Variants in ZNF385D observed in about 807,000 individuals in gnomAD.
The protein encoded by ZNF385D is zinc finger protein 385D.
Under a neutral mutation model 35.8 loss-of-function variants are expected in ZNF385D, and 15 were observed. That is an observed-to-expected ratio of 0.42 (90% CI 0.28 to 0.64). The LOEUF (loss-of-function observed/expected upper bound fraction) is 0.64. Ranked by LOEUF, ZNF385D falls within the 30% of genes least tolerant of loss-of-function variation. ZNF385D has a pLI of 0.23. For missense variants in ZNF385D, 474 were observed against 494.6 expected, an observed-to-expected ratio of 0.96 and a Z score of 0.39; for synonymous variants, 212 against 186.8, an observed-to-expected ratio of 1.13 and a Z score of -1.10.
intron 1 of ZNF385D, among the ~76,000 whole-genome samples, chr3:21,739,263 A>G (rs1575567111): frequency 6.6e-6 from 1 of 152,324 alleles, no homozygotes; most frequent in South Asian, 2.1e-4. Flanking sequence ...ACATTTACGA[A>G]TCCGATGTTC....
Position 21,520,335 on chromosome 3 carries a change from C to T in ZNF385D, c.277-9312G>A, listed in dbSNP as rs553127655. On this transcript the variant is annotated intron_variant, in intron 3 of 7. Coordinates refer to ENST00000281523, the MANE Select transcript of ZNF385D (RefSeq NM_024697.3). Reference sequence around the variant, plus strand: ...AGGAAGACCTGATATTACTCATCATCCTGTCCCTAGGATCTATCATACATC... The same window carrying T: ...AGGAAGACCTGATATTACTCATCATTCTGTCCCTAGGATCTATCATACATC... Among the ~76,000 whole-genome samples the T allele has an allele frequency of 3.9e-5, 6 of 152,296 alleles. No homozygotes were observed. The South Asian group carries it at 1.2e-3, about 32-fold the overall frequency.
At chr3:21,752,456 G>C (rs1262239295), upstream of ZNF385D, among the ~76,000 whole-genome samples, 1 of 152,058 alleles carries the variant, frequency 6.6e-6, no homozygotes, top group Non-Finnish European at 1.5e-5. Context: ...TTCCTTACGC[G>C]ATTCTATATC....
intron 3 of ZNF385D, among the ~76,000 whole-genome samples, chr3:21,542,358 T>TG (rs56387745): frequency 6.6e-6 from 1 of 150,838 alleles, no homozygotes; most frequent in Admixed American, 6.6e-5. Flanking sequence ...TTTTTTTTTT[T>TG]CCCAGAGATG....
At chr3:21,980,732 C>G (rs941717429) in intron 3 of ZNF385D, among the ~76,000 whole-genome samples, 4 of 152,112 alleles carry the variant, frequency 2.6e-5, no homozygotes, top group African/African-American at 9.7e-5. Flanking sequence ...CCAACCTCAA[C>G]CAGACCACAG....
At chr3:21,514,747 T>C (rs1314834167) in intron 3 of ZNF385D, among the ~76,000 whole-genome samples, 2 of 152,032 alleles carry the variant, frequency 1.3e-5, no homozygotes, top group East Asian at 3.9e-4. Context: ...GGAGTCTTAT[T>C]AAACCTTTCC....
chr3:22,236,502 A>C (rs1247878420), intron 2 of ZNF385D, among the ~76,000 whole-genome samples: 1 of 152,158 alleles, frequency 6.6e-6, no homozygotes, highest in African/African-American at 2.4e-5. Context: ...CATGAATTGA[A>C]AATTTTTAAT....
intron 2 of ZNF385D, among the ~76,000 whole-genome samples, chr3:22,274,144 T>C (rs1009746447): frequency 1.6e-4 from 25 of 151,986 alleles, no homozygotes; most frequent in African/African-American, 5.8e-4. Flanking sequence ...ATTTTTTAAA[T>C]TGGATTTTCT....
intron 3 of ZNF385D, among the ~76,000 whole-genome samples, chr3:21,561,448 G>A (rs1022740391): frequency 5.3e-5 from 8 of 152,184 alleles, no homozygotes; most frequent in African/African-American, 1.4e-4. Flanking sequence ...ACCCCACCCT[G>A]CTTCTGCTCG....
chr3:22,218,081 G>C (rs1698006807), intron 2 of ZNF385D, among the ~76,000 whole-genome samples: 1 of 151,958 alleles, frequency 6.6e-6, no homozygotes, highest in African/African-American at 2.4e-5. Flanking sequence ...ACTTATCTTG[G>C]TTATTTTAAA....
chr3:22,155,386 A>AT (rs1261701144), intron 3 of ZNF385D, among the ~76,000 whole-genome samples: 2 of 152,044 alleles, frequency 1.3e-5, no homozygotes, highest in East Asian at 1.9e-4. Context: ...TACTCTTAAG[A>AT]TTTTTTTCTG....
intron 2 of ZNF385D, among the ~76,000 whole-genome samples, chr3:21,660,284 TCC>T (rs2066198954): frequency 6.6e-6 from 1 of 152,186 alleles, no homozygotes. Flanking sequence ...GCAAAAGTTA[TCC>T]TCTTTTATTG....
rs538542036 is a variant in ZNF385D, at chr3:21,820,192, T to C, written c.326-155164A>G. On this transcript the variant is annotated intron_variant, in intron 3 of 5. Coordinates refer to the ZNF385D transcript ENST00000494108. ...TTTTAAAGCCCAGTTGGAACATTTATACAGATTGATATTTATTCTAGTCAA... is the reference window on the plus strand; with the variant it reads ...TTTTAAAGCCCAGTTGGAACATTTACACAGATTGATATTTATTCTAGTCAA... Among the ~76,000 whole-genome samples the C allele has an allele frequency of 7.2e-5, 11 of 151,958 alleles. No homozygotes were observed. The South Asian group carries it at 2.3e-3, about 31-fold the overall frequency.
chr3:22,296,387 C>T (rs1473428552), intron 2 of ZNF385D, among the ~76,000 whole-genome samples: 2 of 152,060 alleles, frequency 1.3e-5, no homozygotes, highest in African/African-American at 4.8e-5. Context: ...TGGCTAGTTC[C>T]TCAGTTACTG....
intron 3 of ZNF385D, among the ~76,000 whole-genome samples, chr3:21,824,195 G>A (rs927250833): frequency 1.3e-5 from 2 of 152,148 alleles, no homozygotes; most frequent in African/African-American, 2.4e-5. Context: ...GAGGCCCTGA[G>A]ACTTCTGAGC....
At chr3:21,520,381 A>G (rs1559368878) in intron 3 of ZNF385D, among the ~76,000 whole-genome samples, 2 of 152,218 alleles carry the variant, frequency 1.3e-5, no homozygotes, top group Admixed American at 1.3e-4. Flanking sequence ...TGCCTATTAA[A>G]TTCATGTTGA....
intron 3 of ZNF385D, among the ~76,000 whole-genome samples, chr3:21,946,018 G>A (rs867222531): frequency 6.6e-6 from 1 of 152,118 alleles, no homozygotes; most frequent in South Asian, 2.1e-4. Flanking sequence ...ACTTAATGCA[G>A]TGTGCATATT....
At chr3:22,234,989 T>A (rs1213059448) in intron 2 of ZNF385D, among the ~76,000 whole-genome samples, 1 of 152,046 alleles carries the variant, frequency 6.6e-6, no homozygotes, top group African/African-American at 2.4e-5. Flanking sequence ...AGTTTTTATT[T>A]CATTATATAT....
intron 3 of ZNF385D, among the ~76,000 whole-genome samples, chr3:21,839,688 T>G (rs1575754011): frequency 6.6e-6 from 1 of 152,192 alleles, no homozygotes; most frequent in Non-Finnish European, 1.5e-5. Context: ...TTGCCTTCAC[T>G]TTAAGACTCA....
intron 4 of ZNF385D, among the ~76,000 whole-genome samples, chr3:21,462,569 G>A (rs2125316176): frequency 6.6e-6 from 1 of 152,242 alleles, no homozygotes; most frequent in East Asian, 1.9e-4. Context: ...GGAGGCTACA[G>A]ATAAAAACAT....
Sources: gnomAD v4.1 joint callset for allele counts (sites outside exome capture counted in the v4.1 genomes callset) on GRCh38, gnomAD v4.1.1 for gene constraint, MANE v1.5 for transcripts, NCBI Gene and HGNC (gene_info 2026-07-23, HGNC 2026-07-21) for gene names.